The following MDGA2 variants were observed in gnomAD, a reference collection of about 807,000 sequenced individuals.
MDGA2 encodes MAM domain-containing glycosylphosphatidylinositol anchor protein 2.
A neutral mutation model predicts 117.8 loss-of-function variants in MDGA2; 40 were observed. That is an observed-to-expected ratio of 0.34 (90% CI 0.26 to 0.44). MDGA2 has a LOEUF of 0.44. Ranked by LOEUF, MDGA2 falls within the 20% of genes least tolerant of loss-of-function variation. The pLI, the probability that MDGA2 is intolerant of heterozygous loss-of-function variation, is 1.00. For missense variants in MDGA2, 1,123 were observed against 1,250.6 expected (o/e 0.90, Z 1.54); for synonymous variants, 452 against 439.0 (o/e 1.03, Z -0.37).
chr14:47,482,641 G>A (rs1893977880), intron 1 of MDGA2, among the ~76,000 whole-genome samples: 1 of 152,018 alleles, frequency 6.6e-6, no homozygotes, highest in South Asian at 2.1e-4. Flanking sequence ...TCAAAGACAT[G>A]AAACCTCTCT....
intron 1 of MDGA2, among the ~76,000 whole-genome samples, chr14:47,504,564 A>C (rs1894471124): frequency 6.6e-6 from 1 of 152,182 alleles, no homozygotes; most frequent in Non-Finnish European, 1.5e-5. Flanking sequence ...AAAAGAAGAC[A>C]TACAAATGGC....
At chr14:47,459,601 T>G (rs756937836) in intron 1 of MDGA2, among the ~76,000 whole-genome samples, 102 of 151,988 alleles carry the variant, frequency 6.7e-4, no homozygotes, top group Non-Finnish European at 1.2e-3. Context: ...TCTTTTCTGC[T>G]TTCTCCTTTG....
At chr14:47,450,511 C>G (rs769279563) in intron 1 of MDGA2, among the ~76,000 whole-genome samples, 2 of 151,956 alleles carry the variant, frequency 1.3e-5, no homozygotes, top group African/African-American at 2.4e-5. Flanking sequence ...TGAAGAGATT[C>G]TCCAAATGAA....
chr14:47,540,520 A>ATGTGTGTGTGTGTGTGTG (rs147620834), intron 1 of MDGA2, among the ~76,000 whole-genome samples: 18 of 102,946 alleles, frequency 1.7e-4, no homozygotes, highest in South Asian at 4.9e-4. Flanking sequence ...GTATATGTAT[A>ATGTGTGTGTGTGTGTGTG]TGTGTGTGTG....
intron 3 of MDGA2, among the ~76,000 whole-genome samples, chr14:47,157,230 A>G (rs1371038385): frequency 6.6e-6 from 1 of 152,220 alleles, no homozygotes; most frequent in Non-Finnish European, 1.5e-5. Flanking sequence ...ATAATAAAAG[A>G]CAAAATGAAT....
rs962443034 is a variant in MDGA2, at chr14:47,674,586, C to T, written c.211G>A (p.Asp71Asn). The part of the protein sequence containing the change: ...AGYVHVHVKM[D>N]LLYGLVWLLT... Reference sequence around the variant, plus strand: ...AGCCACACGAGACCGTACAGTAAATCCATCTTCACGTGAACATGAACATAT... The same window carrying T: ...AGCCACACGAGACCGTACAGTAAATTCATCTTCACGTGAACATGAACATAT... Residue 71 changes from aspartate to asparagine, a missense_variant, in exon 1 of 17, where the codon GAT becomes AAT. Asp to Asn is a conservative substitution (Grantham distance 23, BLOSUM62 1). Coordinates refer to ENST00000399232, the MANE Select transcript of MDGA2 (RefSeq NM_001113498.3). The T allele has an allele frequency of 3.2e-6, 5 of 1,551,340 alleles. No individual in the cohort carries two copies. The African/African-American group carries it at 4.1e-5, about 13-fold the overall frequency.
At chr14:47,385,345 T>C (rs1337469924) in intron 1 of MDGA2, among the ~76,000 whole-genome samples, 2 of 152,112 alleles carry the variant, frequency 1.3e-5, no homozygotes, top group East Asian at 3.9e-4. Context: ...TACAGTAAAA[T>C]TATTTTAGTA....
At chr14:47,062,334 A>C (rs1225745781) in intron 6 of MDGA2, among the ~76,000 whole-genome samples, 1 of 151,990 alleles carries the variant, frequency 6.6e-6, no homozygotes. Context: ...GTCTAAAGGC[A>C]GTGCTGTTTT....
intron 1 of MDGA2, among the ~76,000 whole-genome samples, chr14:47,407,841 T>C (rs779188565): frequency 1.2e-4 from 18 of 152,252 alleles, no homozygotes; most frequent in Non-Finnish European, 2.4e-4. Context: ...AATACATTAG[T>C]TAAACAAAAC....
At chr14:47,404,521 G>T (rs564068362) in intron 1 of MDGA2, among the ~76,000 whole-genome samples, 3 of 151,830 alleles carry the variant, frequency 2.0e-5, no homozygotes, top group Admixed American at 6.6e-5. Flanking sequence ...TTGAGACAGG[G>T]TCTCACTCTG....
Position 47,098,289 on chromosome 14 carries a change from G to T in MDGA2, c.926-1166C>A, listed in dbSNP as rs961605784. 6.8e-5 allele frequency among the ~76,000 whole-genome samples: 9 copies of T among 132,620 alleles called. No homozygotes were observed. In the East Asian group the frequency reaches 1.7e-3, roughly 25 times the overall value. The allele number at this position is 132,620 out of a possible 152,430, so 87.0% of individuals were successfully genotyped here. A position where few individuals can be genotyped will look rare whatever the true frequency, so the allele number is the denominator to read the frequency against. On this transcript the variant is annotated intron_variant, in intron 5 of 16. Coordinates refer to ENST00000399232, the MANE Select transcript of MDGA2 (RefSeq NM_001113498.3). ...AAAAAAAAAAAAAAAAGCCAGAAAAGGCAAGAAAATAATTTCACATTACAG... is the reference window on the plus strand; with the variant it reads ...AAAAAAAAAAAAAAAAGCCAGAAAATGCAAGAAAATAATTTCACATTACAG...
At chr14:47,586,259 C>A (rs1057220234) in intron 1 of MDGA2, among the ~76,000 whole-genome samples, 1 of 151,890 alleles carries the variant, frequency 6.6e-6, no homozygotes, top group African/African-American at 2.4e-5. Context: ...CCCTGACCAA[C>A]AACACAATGT....
At chr14:47,097,676 T>A (rs11157542) in intron 5 of MDGA2, among the ~76,000 whole-genome samples, 57,920 of 151,794 alleles carry the variant, frequency 0.38, 11,184 homozygotes, top group East Asian at 0.52. Context: ...AATAAAATCA[T>A]CTAATTCTAA....
chr14:47,649,026 A>C (rs1594962313), intron 1 of MDGA2, among the ~76,000 whole-genome samples: 1 of 152,194 alleles, frequency 6.6e-6, no homozygotes, highest in East Asian at 1.9e-4. Context: ...ACCTAGAGGA[A>C]ATAATTATTT....
At chr14:47,325,071 G>A (rs577365360) in intron 1 of MDGA2, among the ~76,000 whole-genome samples, 19 of 152,238 alleles carry the variant, frequency 1.2e-4, no homozygotes, top group South Asian at 1.2e-3. Context: ...GTTGATAAGC[G>A]TAGGAGAAAG....
chr14:46,870,061 T>C (rs962933489), intron 14 of MDGA2, among the ~76,000 whole-genome samples: 3 of 151,968 alleles, frequency 2.0e-5, no homozygotes, highest in African/African-American at 4.8e-5. Context: ...GAGCTATACT[T>C]GTATTGACCC....
At chr14:47,369,379 C>T (rs1490380775) in intron 1 of MDGA2, among the ~76,000 whole-genome samples, 1 of 151,952 alleles carries the variant, frequency 6.6e-6, no homozygotes, top group East Asian at 1.9e-4. Flanking sequence ...TGAAAACTTC[C>T]TTAAAAAAAG....
At chr14:47,268,524 C>A (rs1888040177) in intron 2 of MDGA2, among the ~76,000 whole-genome samples, 1 of 152,084 alleles carries the variant, frequency 6.6e-6, no homozygotes, top group Non-Finnish European at 1.5e-5. Context: ...ATAGTCAGGA[C>A]TAGAATTCAG....
chr14:47,406,475 A>G (rs1594841519), intron 1 of MDGA2, among the ~76,000 whole-genome samples: 1 of 101,894 alleles, frequency 9.8e-6, no homozygotes, highest in African/African-American at 3.8e-5. Context: ...GAAACGAAAT[A>G]AAAGTCTGAG....
Sources: gnomAD v4.1 joint callset for allele counts (sites outside exome capture counted in the v4.1 genomes callset) on GRCh38, gnomAD v4.1.1 for gene constraint, MANE v1.5 for transcripts, NCBI Gene and HGNC (gene_info 2026-07-23, HGNC 2026-07-21) for gene names.